The following PITPNC1 variants were observed in gnomAD, a reference collection of about 807,000 sequenced individuals.
PITPNC1 encodes the protein cytoplasmic phosphatidylinositol transfer protein 1.
Under a neutral mutation model 44.7 loss-of-function variants are expected in PITPNC1, and 18 were observed. That is an observed-to-expected ratio of 0.40 (90% CI 0.28 to 0.60). The LOEUF (loss-of-function observed/expected upper bound fraction) is 0.60, where lower values mean the gene tolerates loss of function less well. Ranked by LOEUF, PITPNC1 falls within the 20% of genes least tolerant of loss-of-function variation. The pLI is 0.39. For missense variants in PITPNC1, 290 were observed against 418.4 expected (o/e 0.69, Z 2.68); for synonymous variants, 141 against 149.6 (o/e 0.94, Z 0.42).
chr17:67,465,366 A>G (rs1307639623), intron 1 of PITPNC1, among the ~76,000 whole-genome samples: 1 of 152,186 alleles, frequency 6.6e-6, no homozygotes, highest in Non-Finnish European at 1.5e-5. Flanking sequence ...CTTGAAATGC[A>G]CTAAGGAAAT....
chr17:67,575,937 C>T (rs2041143681), intron 4 of PITPNC1, among the ~76,000 whole-genome samples: 1 of 136,374 alleles, frequency 7.3e-6, no homozygotes, highest in Admixed American at 7.9e-5. Context: ...AGTGCAATGG[C>T]ATGATCTCAG....
rs965961578 is a variant in PITPNC1 at position 67,471,206 on chromosome 17, AT to A, written c.49-61595del. ...ACACCCAAGAATTATCAATAAAAAA[AT>A]AAATTAAAAAAAAAATGTAAAAAAA... On this transcript the variant is annotated intron_variant, in intron 1 of 8. Coordinates refer to ENST00000581322, the MANE Select transcript of PITPNC1 (RefSeq NM_012417.4). 1.0e-4 allele frequency among the ~76,000 whole-genome samples: 12 copies of A among 116,228 alleles called. No individual in the cohort carries two copies. The East Asian group carries it at 1.1e-3, about 10-fold the overall frequency. 76.3% of individuals were successfully genotyped at this position (116,228 alleles called of 152,430 possible).
rs528964852 is a variant in PITPNC1 at position 67,685,348 on chromosome 17, ATCT to A, written c.683-7220_683-7218del. On this transcript the variant is annotated intron_variant, in intron 8 of 8. Transcript: ENST00000581322. ...GGATCTCCAGGTATACCTGGGAATG[ATCT>A]TCTGCATAAAATAGACCAGGTCTGG... 5.0e-3 allele frequency among the ~76,000 whole-genome samples: 758 copies of A among 152,320 alleles called. 4 individuals are homozygous for A. The highest frequency in any genetic ancestry group is 0.017 in the African/African-American group (721 of 41,554).
chr17:67,544,558 A>G (rs922022740), intron 2 of PITPNC1, among the ~76,000 whole-genome samples: 1 of 152,238 alleles, frequency 6.6e-6, no homozygotes, highest in Non-Finnish European at 1.5e-5. Flanking sequence ...CCAGCTTCTA[A>G]CGGTGATTCC....
At chr17:67,656,645 C>T (rs905227885) in intron 6 of PITPNC1, among the ~76,000 whole-genome samples, 6 of 152,128 alleles carry the variant, frequency 3.9e-5, no homozygotes, top group South Asian at 2.1e-4. Flanking sequence ...TTTCAAGACA[C>T]GTAATCTCGG....
chr17:67,657,924 A>G (rs978910946), intron 6 of PITPNC1, among the ~76,000 whole-genome samples: 7 of 152,218 alleles, frequency 4.6e-5, no homozygotes, highest in Admixed American at 3.9e-4. Context: ...TTTATTCTTG[A>G]AGAATATGAA....
chr17:67,398,601 ACTT>A (rs1323053639), intron 1 of PITPNC1, among the ~76,000 whole-genome samples: 1 of 151,936 alleles, frequency 6.6e-6, no homozygotes, highest in Admixed American at 6.6e-5. Context: ...TGCTGAGCAT[ACTT>A]CTCAGCTGTA....
intron 1 of PITPNC1, among the ~76,000 whole-genome samples, chr17:67,405,023 G>C (rs2038374407): frequency 2.0e-5 from 3 of 152,144 alleles, no homozygotes; most frequent in Admixed American, 2.0e-4. Context: ...GAGGCAGGCA[G>C]ATCACCTGAG....
At chr17:67,615,361 G>A (rs943751517) in intron 5 of PITPNC1, among the ~76,000 whole-genome samples, 2 of 152,224 alleles carry the variant, frequency 1.3e-5, no homozygotes, top group Non-Finnish European at 2.9e-5. Context: ...GAATGAGCTG[G>A]AAGGAGACAC....
chr17:67,379,136 G>C (rs2037918664), intron 1 of PITPNC1: 8 of 985,848 alleles, frequency 8.1e-6, no homozygotes, highest in Non-Finnish European at 9.6e-6. Context: ...TCTCTGTCCA[G>C]GGACAGCGAG....
chr17:67,393,106 G>A (rs2038162898), intron 1 of PITPNC1, among the ~76,000 whole-genome samples: 2 of 151,168 alleles, frequency 1.3e-5, no homozygotes, highest in Admixed American at 1.3e-4. Flanking sequence ...CTCCAGCCTG[G>A]GCTACAGAGC....
chr17:67,378,197 G>A lies in PITPNC1; in HGVS notation c.43G>A (p.Asp15Asn), dbSNP rs759301479. The change falls in exon 1 of 9, where the codon GAC becomes AAC. Residue 15 changes from aspartate to asparagine, a missense_variant. By Grantham distance (23) the Asp-to-Asn change is conservative. Transcript: ENST00000581322. The stretch of plus-strand genomic sequence containing the variant: ...CCGGATCTGCATGCCGCTCACCGTA[G>A]ACGAGGTAAGCGCCGCGCCCGGCCC... Reference protein sequence around the residue: ...EYRICMPLTVDEYKIGQLYMI... With the variant: ...EYRICMPLTVNEYKIGQLYMI... 1 of 1,540,706 alleles carries A rather than the reference G, an allele frequency of 6.5e-7. No individual in the cohort carries two copies. The highest frequency in any genetic ancestry group is 8.7e-7 in the Non-Finnish European group (1 of 1,147,670).
chr17:67,440,146 C>T (rs1483370646), intron 1 of PITPNC1, among the ~76,000 whole-genome samples: 3 of 151,800 alleles, frequency 2.0e-5, no homozygotes, highest in Admixed American at 1.3e-4. Flanking sequence ...TAAGATGGCA[C>T]CAAAAAACTA....
intron 4 of PITPNC1, among the ~76,000 whole-genome samples, chr17:67,568,334 G>T (rs543509405): frequency 1.4e-4 from 21 of 152,258 alleles, no homozygotes; most frequent in African/African-American, 4.8e-4. Context: ...GTACATTGTG[G>T]TGCTGCAGGT....
intron 5 of PITPNC1, among the ~76,000 whole-genome samples, chr17:67,631,643 A>ATATATAT (rs1158917120): frequency 1.2e-4 from 1 of 8,248 alleles, no homozygotes. Context: ...ACCAAAAAAA[A>ATATATAT]AAAAAAAAAA....
intron 6 of PITPNC1, among the ~76,000 whole-genome samples, chr17:67,644,017 G>A (rs975017318): frequency 5.3e-5 from 8 of 152,178 alleles, no homozygotes; most frequent in African/African-American, 1.4e-4. Context: ...CAGGATCATG[G>A]GATCCTCCGC....
Position 67,661,795 on chromosome 17 carries a change from G to A in PITPNC1, c.463-7713G>A, listed in dbSNP as rs187440269. 2.6e-3 allele frequency among the ~76,000 whole-genome samples: 396 copies of A among 152,216 alleles called. 2 individuals are homozygous for A. Among genetic ancestry groups the A allele is most frequent in the African/African-American group, 8.8e-3 (364 of 41,520 alleles). On this transcript the variant is annotated intron_variant, in intron 6 of 8. Coordinates refer to ENST00000581322, the MANE Select transcript of PITPNC1 (RefSeq NM_012417.4). ...AAGCGGATCACGAGGTCAGGAGTTCGAGACCAGCCTGGCCAACATGGTGAA... is the reference window on the plus strand; with the variant it reads ...AAGCGGATCACGAGGTCAGGAGTTCAAGACCAGCCTGGCCAACATGGTGAA...
intron 5 of PITPNC1, among the ~76,000 whole-genome samples, chr17:67,579,171 T>G (rs1598845599): frequency 1.3e-5 from 2 of 152,362 alleles, no homozygotes; most frequent in South Asian, 2.1e-4. Context: ...AGTATTTTGC[T>G]TATTAGTGTT....
chr17:67,417,382 G>A (rs1028249543), intron 1 of PITPNC1, among the ~76,000 whole-genome samples: 3 of 151,194 alleles, frequency 2.0e-5, no homozygotes, highest in Non-Finnish European at 2.9e-5. Flanking sequence ...CTCCTGCCTC[G>A]GCCTCCCAAA....
Sources: gnomAD v4.1 joint callset for allele counts (sites outside exome capture counted in the v4.1 genomes callset) on GRCh38, gnomAD v4.1.1 for gene constraint, MANE v1.5 for transcripts, NCBI Gene and HGNC (gene_info 2026-07-23, HGNC 2026-07-21) for gene names.